Variants in LRCH3 observed in about 807,000 individuals in gnomAD.
LRCH3 encodes leucine rich repeats and calponin homology domain containing 3.
LRCH3 carries 68 observed loss-of-function variants against 104.5 expected under a neutral mutation model. The ratio of observed to expected loss-of-function variants is 0.65; its 90% confidence interval spans 0.54 to 0.80. LRCH3 has a LOEUF of 0.80. Ranked by LOEUF, LRCH3 falls within the 30% of genes least tolerant of loss-of-function variation. LRCH3 has a pLI of 0.00. For synonymous variants in LRCH3, 344 were observed against 361.3 expected, an observed-to-expected ratio of 0.95 and a Z score of 0.54; for missense variants, 951 against 953.9, an observed-to-expected ratio of 1.00 and a Z score of 0.04.
intron 10 of LRCH3, among the ~76,000 whole-genome samples, chr3:197,845,772 G>C (rs1309179371): frequency 6.6e-6 from 1 of 152,142 alleles, no homozygotes; most frequent in East Asian, 1.9e-4. Flanking sequence ...GAGTGTGGTG[G>C]CGCATGCCTG....
chr3:197,791,597 C>G, intron 1 of LRCH3, 57 bp downstream of exon 1: 8 of 1,475,168 alleles, frequency 5.4e-6, no homozygotes, highest in Non-Finnish European at 7.1e-6. Context: ...GGAGCCGCCC[C>G]GGCCGGGGGA....
chr3:197,868,534 CCAA>C (rs1261478057), intron 17 of LRCH3, among the ~76,000 whole-genome samples: 1 of 152,032 alleles, frequency 6.6e-6, no homozygotes, highest in East Asian at 1.9e-4. Context: ...CACACGTGTA[CCAA>C]CAACGTGTAC....
At chr3:197,821,614 G>T (rs1429738461) in intron 4 of LRCH3, among the ~76,000 whole-genome samples, 2 of 152,144 alleles carry the variant, frequency 1.3e-5, no homozygotes, top group African/African-American at 4.8e-5. Flanking sequence ...TCTTCTCAAG[G>T]TATTTTCATG....
At position 197,826,869 on chromosome 3, in the gene LRCH3, T is replaced by G; in HGVS notation, c.641-9T>G. 6.2e-7 allele frequency: 1 copy of G among 1,614,138 alleles called. No homozygotes were observed. The highest frequency in any genetic ancestry group is 1.1e-5 in the South Asian group (1 of 91,070). ...ATTAATTGTTCATTTCCATTTTACC[T>G]TCTTGCAGAGCTGGCGGAGTTGCCT... On this transcript the variant is annotated splice_polypyrimidine_tract_variant and intron_variant, in intron 4 of 20. Transcript: ENST00000425562.
At chr3:197,820,039 A>G (rs1734312666) in intron 3 of LRCH3, among the ~76,000 whole-genome samples, 2 of 152,134 alleles carry the variant, frequency 1.3e-5, no homozygotes, top group Non-Finnish European at 2.9e-5. Context: ...TAGTAAATGT[A>G]TTGTTTTCTT....
intron 20 of LRCH3, among the ~76,000 whole-genome samples, chr3:197,877,865 A>G (rs1176962033): frequency 6.6e-6 from 1 of 152,000 alleles, no homozygotes; most frequent in African/African-American, 2.4e-5. Context: ...TGAAAGCAAA[A>G]TTTTCGTTTT....
At chr3:197,881,936 A>G in intron 20 of LRCH3, 1 of 985,464 alleles carries the variant, frequency 1.0e-6, no homozygotes, top group Non-Finnish European at 1.2e-6. Flanking sequence ...ACTGTTCACT[A>G]TTAATGCTGA....
chr3:197,818,380 C>T (rs1734097305), intron 3 of LRCH3, among the ~76,000 whole-genome samples: 1 of 152,162 alleles, frequency 6.6e-6, no homozygotes, highest in African/African-American at 2.4e-5. Flanking sequence ...TGGTCAAATA[C>T]AATTATGTCC....
chr3:197,869,307 A>G (rs532860381), intron 17 of LRCH3, among the ~76,000 whole-genome samples: 15 of 151,768 alleles, frequency 9.9e-5, no homozygotes, highest in African/African-American at 3.6e-4. Context: ...AGGAGGTAGA[A>G]AGCCATGCAC....
chr3:197,791,601 CG>C, intron 1 of LRCH3, 61 bp downstream of exon 1: 2 of 1,467,208 alleles, frequency 1.4e-6, no homozygotes, highest in Admixed American at 2.9e-5. Context: ...CCGCCCCGGC[CG>C]GGGGAGGCGG....
At chr3:197,870,344 A>AAATG in intron 18 of LRCH3, 66 bp downstream of exon 18, 1 of 1,424,486 alleles carries the variant, frequency 7.0e-7, no homozygotes, top group Non-Finnish European at 9.7e-7. Flanking sequence ...TCCTGTGATC[A>AAATG]CGTCTTCATT....
rs543584853 is a variant in LRCH3 at position 197,856,955 on chromosome 3, C to T, written c.1645-1879C>T. Among the ~76,000 whole-genome samples, 9 of 152,330 alleles carry T rather than the reference C, an allele frequency of 5.9e-5. No individual in the cohort carries two copies. Among genetic ancestry groups the T allele is most frequent in the East Asian group, 1.9e-4 (1 of 5,190 alleles). ...TTTGATTTAAAGACCTTGAAACTTACGATTTGAAATGAAGATTTATAACAG... is the reference window on the plus strand; with the variant it reads ...TTTGATTTAAAGACCTTGAAACTTATGATTTGAAATGAAGATTTATAACAG... On this transcript the variant is annotated intron_variant, in intron 14 of 20. Coordinates refer to ENST00000425562, the MANE Select transcript of LRCH3 (RefSeq NM_001365715.1). This position sits in a 1 kb window ranked among gnomAD's most constrained non-coding sequence, Gnocchi z 4.2.
chr3:197,792,652 T>C (rs6583259), intron 1 of LRCH3, among the ~76,000 whole-genome samples: 1 of 118,476 alleles, frequency 8.4e-6, no homozygotes, highest in East Asian at 2.5e-4. Context: ...ATATATAAAA[T>C]ATATATATAT....
Position 197,814,792 on chromosome 3 carries a change from C to G in LRCH3, c.263-116C>G, listed in dbSNP as rs1012454276. On this transcript the variant is annotated intron_variant, in intron 1 of 20. Transcript: ENST00000425562. ...TTTGTAAGCAGATATGCCTTAGAAG[C>G]TGTTTTACTTTTAAAGAATAATAGT... The G allele has an allele frequency of 3.8e-6, 3 of 786,904 alleles. No homozygotes were observed. The African/African-American group carries it at 5.4e-5, about 14-fold the overall frequency. The allele number at this position is 786,904 out of a possible 1,614,324, so 48.7% of individuals were successfully genotyped here.
intron 20 of LRCH3, chr3:197,881,275 C>T (rs1291553944): frequency 6.0e-6 from 6 of 992,546 alleles, no homozygotes; most frequent in Non-Finnish European, 7.2e-6. Flanking sequence ...TCCATATAAG[C>T]ATTTGCGGTC....
chr3:197,844,658 G>C (rs547400408), intron 10 of LRCH3, among the ~76,000 whole-genome samples: 12 of 150,402 alleles, frequency 8.0e-5, no homozygotes, highest in African/African-American at 1.7e-4. Context: ...TCACTCTGTC[G>C]CCAGGCTGGA....
chr3:197,862,996 T>C (rs1429259723), intron 15 of LRCH3, among the ~76,000 whole-genome samples: 1 of 148,572 alleles, frequency 6.7e-6, no homozygotes, highest in African/African-American at 2.6e-5. Context: ...TTATTTATTA[T>C]TTATTTATTT....
intron 3 of LRCH3, among the ~76,000 whole-genome samples, chr3:197,818,415 G>A (rs1303513711): frequency 6.6e-6 from 1 of 152,166 alleles, no homozygotes. Context: ...GTATGGTTTC[G>A]TGTAGGTTTA....
chr3:197,866,440 G>C (rs896335545), intron 17 of LRCH3, among the ~76,000 whole-genome samples: 2 of 152,168 alleles, frequency 1.3e-5, no homozygotes, highest in African/African-American at 2.4e-5. Context: ...GCAGGTTATA[G>C]AGTGTTTGAA....
Sources: gnomAD v4.1 joint callset for allele counts (sites outside exome capture counted in the v4.1 genomes callset) on GRCh38, gnomAD v4.1.1 for gene constraint, Gnocchi (gnomAD v3.1) non-coding constraint, MANE v1.5 for transcripts, NCBI Gene and HGNC (gene_info 2026-07-23, HGNC 2026-07-21) for gene names.